CDH18: variants seen among roughly 807,000 people sequenced by gnomAD.
The protein encoded by CDH18 is cadherin-18.
A neutral mutation model predicts 67.9 loss-of-function variants in CDH18; 31 were observed. That is an observed-to-expected ratio of 0.46 (90% CI 0.34 to 0.62). The LOEUF is 0.62. CDH18 is among the 20% of genes least tolerant of loss of function. The probability of loss-of-function intolerance (pLI) is 0.01; values close to 1 mark genes in which losing one functional copy is unlikely to be tolerated. For synonymous variants in CDH18, 362 were observed against 347.2 expected, an observed-to-expected ratio of 1.04 and a Z score of -0.48; for missense variants, 890 against 975.5, an observed-to-expected ratio of 0.91 and a Z score of 1.17.
intron 3 of CDH18, among the ~76,000 whole-genome samples, chr5:19,789,691 G>C (rs1776164179): frequency 6.6e-6 from 1 of 152,038 alleles, no homozygotes; most frequent in Admixed American, 6.6e-5. Context: ...AAAAATTATA[G>C]AAAAAGCACA....
chr5:20,288,455 AT>A (rs1446972727), intron 1 of CDH18, among the ~76,000 whole-genome samples: 4 of 151,474 alleles, frequency 2.6e-5, no homozygotes. Flanking sequence ...ATATATATAT[AT>A]ATATATATGC....
chr5:20,509,382 T>C (rs1434141014), intron 1 of CDH18, among the ~76,000 whole-genome samples: 5 of 151,780 alleles, frequency 3.3e-5, no homozygotes, highest in Admixed American at 2.0e-4. Context: ...GGTTTATCTA[T>C]GTTGTCCCAA....
At chr5:20,390,984 T>C (rs1744800626) in intron 1 of CDH18, among the ~76,000 whole-genome samples, 1 of 151,550 alleles carries the variant, frequency 6.6e-6, no homozygotes, top group African/African-American at 2.4e-5. Context: ...GGGCCTGTTG[T>C]GGGGTGGGGG....
At chr5:19,911,410 T>G (rs1176076836) in intron 2 of CDH18, among the ~76,000 whole-genome samples, 1 of 152,020 alleles carries the variant, frequency 6.6e-6, no homozygotes, top group Admixed American at 6.6e-5. Flanking sequence ...AGATAATATC[T>G]GTTATGCACT....
chr5:20,453,563 G>A (rs1041992125), intron 1 of CDH18, among the ~76,000 whole-genome samples: 1 of 94,650 alleles, frequency 1.1e-5, no homozygotes, highest in Admixed American at 1.6e-4. Flanking sequence ...ATGTGTGTGT[G>A]TATATATATA....
chr5:20,437,987 AAT>A (rs1314698551), intron 1 of CDH18, among the ~76,000 whole-genome samples: 1 of 151,300 alleles, frequency 6.6e-6, no homozygotes, highest in African/African-American at 2.4e-5. Context: ...TTTCACTTGA[AAT>A]ATAAGTATAT....
intron 2 of CDH18, among the ~76,000 whole-genome samples, chr5:19,920,456 C>G (rs1478061626): frequency 6.6e-6 from 1 of 151,406 alleles, no homozygotes; most frequent in Non-Finnish European, 1.5e-5. Context: ...GATTTGCATT[C>G]CTACAAAAGG....
At chr5:20,407,139 A>C (rs1333851470) in intron 1 of CDH18, among the ~76,000 whole-genome samples, 3 of 152,226 alleles carry the variant, frequency 2.0e-5, no homozygotes, top group African/African-American at 7.2e-5. Flanking sequence ...AAACTGGCAC[A>C]GACACTTGCC....
At chr5:20,285,614 CAT>C (rs1381963158) in intron 1 of CDH18, among the ~76,000 whole-genome samples, 1 of 151,238 alleles carries the variant, frequency 6.6e-6, no homozygotes, top group African/African-American at 2.4e-5. Context: ...AACAGGTATG[CAT>C]ATATGAGTGA....
chr5:20,018,805 T>TC (rs1032404788), intron 2 of CDH18, among the ~76,000 whole-genome samples: 18 of 142,192 alleles, frequency 1.3e-4, no homozygotes, highest in Admixed American at 2.0e-4. Context: ...CATTCTTTTT[T>TC]TTTTTTTGAG....
At chr5:19,693,857 C>CT (rs958943213) in intron 5 of CDH18, among the ~76,000 whole-genome samples, 2 of 146,780 alleles carry the variant, frequency 1.4e-5, no homozygotes, top group Non-Finnish European at 3.0e-5. Context: ...GATCAGGCCA[C>CT]TGCATTCCAG....
chr5:19,555,290 TG>T (rs1450794086), intron 8 of CDH18, among the ~76,000 whole-genome samples: 2 of 152,056 alleles, frequency 1.3e-5, no homozygotes, highest in Non-Finnish European at 2.9e-5. Flanking sequence ...TTGAAAGAGG[TG>T]GACTGCAGCT....
intron 2 of CDH18, among the ~76,000 whole-genome samples, chr5:20,228,134 G>A (rs543712494): frequency 6.6e-6 from 1 of 151,990 alleles, no homozygotes; most frequent in East Asian, 1.9e-4. Context: ...ATTTTGTTTG[G>A]TTTGGTTTTC....
intron 2 of CDH18, among the ~76,000 whole-genome samples, chr5:19,875,395 T>TATAG (rs56837232): frequency 0.16 from 23,141 of 147,530 alleles, 1,803 homozygotes; most frequent in Middle Eastern, 0.2. Flanking sequence ...CTTCCATGGG[T>TATAG]ATAGATAGAT....
chr5:19,551,860 A>G (rs1306661557), intron 8 of CDH18, among the ~76,000 whole-genome samples: 1 of 152,150 alleles, frequency 6.6e-6, no homozygotes, highest in Non-Finnish European at 1.5e-5. Flanking sequence ...TTAATTTTTA[A>G]TTTACTGCTT....
At chr5:20,297,680 C>T (rs947333666) in intron 1 of CDH18, among the ~76,000 whole-genome samples, 1 of 152,146 alleles carries the variant, frequency 6.6e-6, no homozygotes, top group African/African-American at 2.4e-5. Flanking sequence ...CCAAATGTCA[C>T]TTTTTCTTAT....
chr5:19,638,785 T>A (rs1357148924), intron 5 of CDH18, among the ~76,000 whole-genome samples: 1 of 151,866 alleles, frequency 6.6e-6, no homozygotes, highest in South Asian at 2.1e-4. Context: ...AAGGATAGGA[T>A]AAGGAGTTCC....
At chr5:19,592,376 A>G (rs2683646) in intron 6 of CDH18, among the ~76,000 whole-genome samples, 151,638 of 152,134 alleles carry the variant, frequency 1, 75,574 homozygotes, top group East Asian at 1. Context: ...TTTAATAATT[A>G]TTTTATTGAC....
At chr5:20,311,594 A>G (rs529824422) in intron 1 of CDH18, among the ~76,000 whole-genome samples, 55 of 152,262 alleles carry the variant, frequency 3.6e-4, no homozygotes, top group African/African-American at 1.2e-3. Context: ...GAGCTGAACA[A>G]TGAGAACACA....
Sources: allele counts gnomAD v4.1 joint callset (sites outside exome capture counted in the v4.1 genomes callset), GRCh38; gene constraint gnomAD v4.1.1; transcripts MANE v1.5; gene names NCBI Gene and HGNC (gene_info 2026-07-23, HGNC 2026-07-21).